The following PLXDC2 variants were observed in gnomAD, a reference collection of about 807,000 sequenced individuals.
PLXDC2 encodes the protein plexin domain containing 2, also known as plexin domain-containing protein 2.
A neutral mutation model predicts 68.9 loss-of-function variants in PLXDC2; 40 were observed. That is an observed-to-expected ratio of 0.58 (90% confidence interval 0.45 to 0.76). PLXDC2 has a LOEUF of 0.76. PLXDC2 is among the 30% of genes least tolerant of loss of function. The pLI is 0.00. For missense variants in PLXDC2, 644 were observed against 661.9 expected (o/e 0.97, Z 0.30); for synonymous variants, 243 against 234.2 (o/e 1.04, Z -0.34).
rs1836921122 is a variant in PLXDC2 at position 19,842,129 on chromosome 10, C to G, written c.112+24938C>G. Among the ~76,000 whole-genome samples, 4 of 152,128 alleles carry G rather than the reference C, an allele frequency of 2.6e-5. No homozygotes were observed. The South Asian group carries it at 8.3e-4, about 32-fold the overall frequency. Reference sequence around the variant, plus strand: ...TCATCTCTACAAAAAATTTAAAAAACTAGCCAGGCATGGTGGTGCATGCCT... The same window carrying G: ...TCATCTCTACAAAAAATTTAAAAAAGTAGCCAGGCATGGTGGTGCATGCCT... On this transcript the variant is annotated intron_variant, in intron 1 of 13. Transcript: ENST00000377252.
intron 2 of PLXDC2, among the ~76,000 whole-genome samples, chr10:20,018,845 A>C (rs1835256222): frequency 6.6e-6 from 1 of 152,236 alleles, no homozygotes; most frequent in Non-Finnish European, 1.5e-5. Context: ...GTTTCCTAAA[A>C]ATAAACAAAT....
intron 2 of PLXDC2, among the ~76,000 whole-genome samples, chr10:20,037,466 C>T (rs1835598355): frequency 6.6e-6 from 1 of 151,908 alleles, no homozygotes; most frequent in South Asian, 2.1e-4. Flanking sequence ...CTCATTAACT[C>T]GTGATTTACA....
chr10:20,114,114 AC>A (rs1460762110), intron 4 of PLXDC2, among the ~76,000 whole-genome samples: 1 of 152,134 alleles, frequency 6.6e-6, no homozygotes, highest in African/African-American at 2.4e-5. Context: ...ACAGAGTGAG[AC>A]CCCATGTCAA....
At chr10:20,168,846 T>C (rs1834409234) in intron 7 of PLXDC2, among the ~76,000 whole-genome samples, 1 of 152,194 alleles carries the variant, frequency 6.6e-6, no homozygotes, top group Admixed American at 6.6e-5. Context: ...TACTTAGAAA[T>C]CTACTACAGA....
chr10:20,110,491 G>GT (rs1833545238), intron 4 of PLXDC2, among the ~76,000 whole-genome samples: 1 of 152,138 alleles, frequency 6.6e-6, no homozygotes, highest in Non-Finnish European at 1.5e-5. Flanking sequence ...TTATACTGTG[G>GT]AATCCCCTTT....
intron 2 of PLXDC2, among the ~76,000 whole-genome samples, chr10:20,026,816 ATATATTC>A (rs1224629577): frequency 7.9e-5 from 11 of 139,582 alleles, no homozygotes; most frequent in African/African-American, 2.6e-4. Flanking sequence ...TACCTTTATA[ATATATTC>A]TAATATATAG....
chr10:20,128,615 T>C (rs1833823903), intron 4 of PLXDC2, among the ~76,000 whole-genome samples: 1 of 152,200 alleles, frequency 6.6e-6, no homozygotes, highest in African/African-American at 2.4e-5. Flanking sequence ...TTTATTATTC[T>C]GAAAAACTGA....
intron 4 of PLXDC2, among the ~76,000 whole-genome samples, chr10:20,137,690 T>A (rs997228659): frequency 1.4e-4 from 22 of 152,330 alleles, no homozygotes; most frequent in African/African-American, 4.6e-4. Flanking sequence ...GATCCTTGAA[T>A]AAAGTTGTTC....
intron 1 of PLXDC2, among the ~76,000 whole-genome samples, chr10:19,827,572 T>A (rs1836596216): frequency 6.6e-6 from 1 of 152,064 alleles, no homozygotes; most frequent in South Asian, 2.1e-4. Context: ...TTCTTTTTTT[T>A]TTTTTTAAGA....
In PLXDC2 at chr10:19,969,266, C is replaced by A. The variant is rs569111008; in HGVS notation, c.113-32509C>A. On this transcript the variant is annotated intron_variant, in intron 1 of 13. Coordinates refer to ENST00000377252, the MANE Select transcript of PLXDC2 (RefSeq NM_032812.9). ...GTTCCTCCATTCATCCATAACCGAC[C>A]CTTAAGGGGAAATCAAATACATATG... is the stretch of plus-strand genomic sequence containing the variant. Among the ~76,000 whole-genome samples, 32 of 152,200 alleles carry A rather than the reference C, an allele frequency of 2.1e-4. No homozygotes were observed. In the South Asian group the frequency reaches 6.2e-3, roughly 30 times the overall value.
chr10:19,964,198 C>T (rs532732024), intron 1 of PLXDC2, among the ~76,000 whole-genome samples: 4 of 152,284 alleles, frequency 2.6e-5, no homozygotes, highest in African/African-American at 4.8e-5. Context: ...ACTGGCCAGA[C>T]CACACTGAAA....
chr10:19,844,480 C>G (rs1208269336), intron 1 of PLXDC2, among the ~76,000 whole-genome samples: 1 of 152,112 alleles, frequency 6.6e-6, no homozygotes, highest in Non-Finnish European at 1.5e-5. Flanking sequence ...AGAGGAGGGT[C>G]TTGCTTTTCA....
intron 2 of PLXDC2, among the ~76,000 whole-genome samples, chr10:20,018,572 C>T (rs182822421): frequency 3.3e-5 from 5 of 152,244 alleles, no homozygotes; most frequent in Admixed American, 3.3e-4. Context: ...AAATTTACTG[C>T]CTGCTTATAA....
rs563304400 is a variant in PLXDC2 at position 20,204,304 on chromosome 10, A to G, written c.1062-7365A>G. Among the ~76,000 whole-genome samples, 483 of 152,196 alleles carry G rather than the reference A, an allele frequency of 3.2e-3. 1 individual carries two copies. The highest frequency in any genetic ancestry group is 9.1e-3 in the African/African-American group (378 of 41,552). ...TTTTTCAGTATTTCTAAAGAAAATTATTTTCCCATATCTTACAGCTCTATA... is the reference window on the plus strand; with the variant it reads ...TTTTTCAGTATTTCTAAAGAAAATTGTTTTCCCATATCTTACAGCTCTATA... On this transcript the variant is annotated intron_variant, in intron 9 of 13. Transcript: ENST00000377252.
At chr10:20,003,239 G>A (rs2131638658) in intron 2 of PLXDC2, among the ~76,000 whole-genome samples, 1 of 152,304 alleles carries the variant, frequency 6.6e-6, no homozygotes, top group South Asian at 2.1e-4. Context: ...CCACCCAAAT[G>A]AGAACAAACA....
At chr10:19,848,871 GC>G in intron 1 of PLXDC2, among the ~76,000 whole-genome samples, 1 of 152,158 alleles carries the variant, frequency 6.6e-6, no homozygotes, top group South Asian at 2.1e-4. Context: ...ATGAAAAGAA[GC>G]TTTCAGAAAA....
chr10:19,839,463 T>C (rs929050026), intron 1 of PLXDC2, among the ~76,000 whole-genome samples: 11 of 152,154 alleles, frequency 7.2e-5, no homozygotes, highest in Admixed American at 1.3e-4. Flanking sequence ...AGCCAAAAGA[T>C]TGGACACCAC....
intron 5 of PLXDC2, among the ~76,000 whole-genome samples, chr10:20,143,908 T>G (rs985799172): frequency 3.3e-5 from 5 of 152,136 alleles, no homozygotes; most frequent in Non-Finnish European, 7.4e-5. Context: ...AAAGTTTTCT[T>G]GACTTTAGAA....
At chr10:19,937,008 G>C (rs1383309749) in intron 1 of PLXDC2, among the ~76,000 whole-genome samples, 1 of 152,126 alleles carries the variant, frequency 6.6e-6, no homozygotes, top group Non-Finnish European at 1.5e-5. Flanking sequence ...TTAGATGTTT[G>C]ATGTTCCTAT....
Sources: gnomAD v4.1 joint callset for allele counts (sites outside exome capture counted in the v4.1 genomes callset) on GRCh38, gnomAD v4.1.1 for gene constraint, MANE v1.5 for transcripts, NCBI Gene and HGNC (gene_info 2026-07-23, HGNC 2026-07-21) for gene names.